DGLUCY: variants seen among roughly 807,000 people sequenced by gnomAD.
The protein encoded by DGLUCY is D-glutamate cyclase, mitochondrial.
Under a neutral mutation model 58.5 loss-of-function variants are expected in DGLUCY, and 58 were observed. The ratio of observed to expected loss-of-function variants is 0.99; its 90% CI spans 0.80 to 1.23. The LOEUF is 1.23. Among genes scored for constraint, DGLUCY ranks in the 50% most tolerant of loss-of-function variants. The pLI is 0.00. For missense variants in DGLUCY, 779 were observed against 784.7 expected (o/e 0.99, Z 0.09); for synonymous variants, 325 against 314.1 (o/e 1.03, Z -0.37).
chr14:91,102,588 G>A (rs2044506592), intron 1 of DGLUCY, among the ~76,000 whole-genome samples: 1 of 152,160 alleles, frequency 6.6e-6, no homozygotes, highest in Non-Finnish European at 1.5e-5. Context: ...AGAGACTGTG[G>A]AATGTCAGCA....
intron 12 of DGLUCY, among the ~76,000 whole-genome samples, chr14:91,207,016 G>A (rs1419436378): frequency 6.6e-6 from 1 of 151,914 alleles, no homozygotes; most frequent in Non-Finnish European, 1.5e-5. Context: ...AAATTAGCCA[G>A]GTGTCGTGGT....
At chr14:91,199,353 G>A (rs764498991) in intron 10 of DGLUCY, among the ~76,000 whole-genome samples, 13 of 151,534 alleles carry the variant, frequency 8.6e-5, no homozygotes, top group Admixed American at 2.0e-4. Context: ...TCTGCCTCCC[G>A]GGTTCAAGTG....
chr14:91,100,728 A>G (rs76834703), intron 1 of DGLUCY, among the ~76,000 whole-genome samples: 19,349 of 152,172 alleles, frequency 0.13, 1,590 homozygotes, highest in Non-Finnish European at 0.19. Context: ...TACCCACAGT[A>G]TCTAGGAATC....
intron 13 of DGLUCY, among the ~76,000 whole-genome samples, chr14:91,221,042 A>G (rs551855448): frequency 2.0e-5 from 3 of 152,356 alleles, no homozygotes; most frequent in Non-Finnish European, 2.9e-5. Flanking sequence ...CCTGTTTTGC[A>G]TCACTGCCTT....
At chr14:91,176,128 A>G in intron 7 of DGLUCY, 72 bp downstream of exon 7, 2 of 1,534,742 alleles carry the variant, frequency 1.3e-6, no homozygotes, top group East Asian at 2.3e-5. Context: ...TCTTGAAAGC[A>G]TATTCTCGTA....
intron 8 of DGLUCY, among the ~76,000 whole-genome samples, chr14:91,188,475 C>G (rs2049661309): frequency 6.6e-6 from 1 of 152,128 alleles, no homozygotes; most frequent in Non-Finnish European, 1.5e-5. Flanking sequence ...CTCAAAAAAA[C>G]AAAGCAAATG....
At chr14:91,222,790 A>T (rs1567020519) in intron 13 of DGLUCY, among the ~76,000 whole-genome samples, 1 of 152,210 alleles carries the variant, frequency 6.6e-6, no homozygotes, top group African/African-American at 2.4e-5. Context: ...TTTAAAAAAC[A>T]ACTATAGACT....
intron 1 of DGLUCY, among the ~76,000 whole-genome samples, chr14:91,154,348 C>G (rs1374635712): frequency 1.3e-5 from 2 of 152,120 alleles, no homozygotes; most frequent in Non-Finnish European, 2.9e-5. Flanking sequence ...CTCAGTGAAT[C>G]TACATTTTTA....
intron 8 of DGLUCY, among the ~76,000 whole-genome samples, chr14:91,186,119 C>G (rs1265366422): frequency 6.6e-6 from 1 of 152,140 alleles, no homozygotes; most frequent in African/African-American, 2.4e-5. Flanking sequence ...ATAAAATCAT[C>G]ATAAATGTAT....
rs984975119 is a variant in DGLUCY at position 91,225,412 on chromosome 14, C to T, written c.*579C>T. On this transcript the variant is annotated 3_prime_UTR_variant, in exon 14 of 14. Coordinates refer to ENST00000256324, the MANE Select transcript of DGLUCY (RefSeq NM_001102368.3). ...CTCACACCATCCTGCTCCATCCTACCTAGGACGTGAATCCTCCCTTTGTCC... is the reference window on the plus strand; with the variant it reads ...CTCACACCATCCTGCTCCATCCTACTTAGGACGTGAATCCTCCCTTTGTCC... 6.6e-5 allele frequency: 10 copies of T among 152,376 alleles called. No individual in the cohort carries two copies. The highest frequency in any genetic ancestry group is 2.2e-4 in the African/African-American group (9 of 41,564). The allele number at this position is 152,376 out of a possible 1,614,324, so 9.4% of individuals were successfully genotyped here.
chr14:91,160,175 G>T, intron 2 of DGLUCY, 91 bp from the exon 3 acceptor site: 1 of 813,668 alleles, frequency 1.2e-6, no homozygotes. Flanking sequence ...AGGGTAGGAT[G>T]TGATGTGGTA....
intron 11 of DGLUCY, among the ~76,000 whole-genome samples, chr14:91,200,990 G>C: frequency 6.6e-6 from 1 of 152,016 alleles, no homozygotes; most frequent in East Asian, 1.9e-4. Context: ...ACCTTCTTCA[G>C]GGTGGGGGAG....
intron 4 of DGLUCY, 75 bp from the exon 5 acceptor site, chr14:91,169,927 CA>C (rs552141288): frequency 2.5e-4 from 364 of 1,448,924 alleles, no homozygotes; most frequent in Non-Finnish European, 3.4e-4. Context: ...TCTCTCTCCG[CA>C]GTCCTTCTAT....
At chr14:91,178,899 C>T (rs890402866) in intron 7 of DGLUCY, among the ~76,000 whole-genome samples, 1 of 152,112 alleles carries the variant, frequency 6.6e-6, no homozygotes, top group African/African-American at 2.4e-5. Context: ...GGCGTGATGG[C>T]ACACACCTAT....
At position 91,215,847 on chromosome 14, in the gene DGLUCY, G is replaced by C. The variant is rs563542622; in HGVS notation, c.1716+291G>C. ...TTTTCTTCATCTGTAAAATGGGGGT[G>C]GTCAGCATTGTTGTTGGAGGAACCG... On this transcript the variant is annotated intron_variant, in intron 13 of 13. Transcript: ENST00000256324. 267 of 983,192 alleles carry C rather than the reference G, an allele frequency of 2.7e-4. 2 individuals are homozygous for C. The Middle Eastern group carries it at 7.6e-3, about 28-fold the overall frequency. 60.9% of individuals were successfully genotyped at this position (983,192 alleles called of 1,614,324 possible).
intron 3 of DGLUCY, chr14:91,165,229 T>C (rs561390553): frequency 4.4e-5 from 20 of 455,208 alleles, no homozygotes; most frequent in Non-Finnish European, 8.4e-5. Context: ...GTAACCGTAA[T>C]TTTAAACATC....
rs555841466 is a variant in DGLUCY, at chr14:91,118,142, A to G, written c.-82+3859A>G. ...GTTGTCCAGGCTAGAGTACAGTGGGATGATCTTGGCTCACTGCACCCTCCA... is the reference window on the plus strand; with the variant it reads ...GTTGTCCAGGCTAGAGTACAGTGGGGTGATCTTGGCTCACTGCACCCTCCA... On this transcript the variant is annotated intron_variant, in intron 1 of 13. Coordinates refer to ENST00000256324, the MANE Select transcript of DGLUCY (RefSeq NM_001102368.3). 1.3e-3 allele frequency among the ~76,000 whole-genome samples: 169 copies of G among 128,592 alleles called. No individual in the cohort carries two copies. The Middle Eastern group carries it at 0.022, about 17-fold the overall frequency. The allele number at this position is 128,592 out of a possible 152,430, so 84.4% of individuals were successfully genotyped here. A position where few individuals can be genotyped will look rare whatever the true frequency, so the allele number is the denominator to read the frequency against.
chr14:91,147,114 C>T (rs548971601), intron 1 of DGLUCY, among the ~76,000 whole-genome samples: 3 of 152,324 alleles, frequency 2.0e-5, no homozygotes, highest in African/African-American at 7.2e-5. Flanking sequence ...AGGAAACTCA[C>T]TTAAGGGGGT....
chr14:91,100,813 G>A (rs1334455204), intron 1 of DGLUCY, among the ~76,000 whole-genome samples: 1 of 152,190 alleles, frequency 6.6e-6, no homozygotes, highest in African/African-American at 2.4e-5. Flanking sequence ...GCTCACGCCT[G>A]TAATCCCAGC....
Sources: gnomAD v4.1 joint callset for allele counts (sites outside exome capture counted in the v4.1 genomes callset) on GRCh38, gnomAD v4.1.1 for gene constraint, MANE v1.5 for transcripts, NCBI Gene and HGNC (gene_info 2026-07-23, HGNC 2026-07-21) for gene names.